The following NCAM2 variants were observed in gnomAD, a reference collection of about 807,000 sequenced individuals.
NCAM2 encodes the protein neural cell adhesion molecule 2.
NCAM2 carries 30 observed loss-of-function variants against 98.1 expected under a neutral mutation model. The observed-to-expected ratio is 0.31, with a 90% CI of 0.23 to 0.41. NCAM2 has a LOEUF of 0.41. Ranked by LOEUF, NCAM2 falls within the 10% of genes least tolerant of loss-of-function variation. NCAM2 has a pLI of 1.00. For missense variants in NCAM2, 867 were observed against 1,005.8 expected, an observed-to-expected ratio of 0.86 and a Z score of 1.87; for synonymous variants, 368 against 342.4, an observed-to-expected ratio of 1.07 and a Z score of -0.83.
chr21:21,424,551 A>G lies in NCAM2; in HGVS notation c.1480+5982A>G, dbSNP rs232385. 7.3e-3 allele frequency among the ~76,000 whole-genome samples: 1,119 copies of G among 152,254 alleles called. 15 individuals are homozygous for G. Among genetic ancestry groups the G allele is most frequent in the African/African-American group, 0.025 (1,039 of 41,546 alleles). ...GGGAGTAGAAACAGGTCCAGGGAAG[A>G]TGAAAGGGAAAGACTCAAAGAAACA... On this transcript the variant is annotated intron_variant, in intron 11 of 17. Transcript: ENST00000400546.
rs11412654 is a variant in NCAM2 at position 21,050,136 on chromosome 21, C to CAA, written c.55+51529_55+51530dup. Among the ~76,000 whole-genome samples the CAA allele has an allele frequency of 6.3e-3, 870 of 138,066 alleles. 9 individuals are homozygous for CAA. Among genetic ancestry groups the CAA allele is most frequent in the African/African-American group, 0.02 (766 of 38,546 alleles). The allele number at this position is 138,066 out of a possible 152,430, so 90.6% of individuals were successfully genotyped here. Reference sequence around the variant, plus strand: ...ATTTCACATTAAGCACTGTAAAGTGCAAAAAAAAAAAAGGTTTTTCTCTTT... The same window carrying CAA: ...ATTTCACATTAAGCACTGTAAAGTGCAAAAAAAAAAAAAAGGTTTTTCTCTTT... On this transcript the variant is annotated intron_variant, in intron 1 of 17. Transcript: ENST00000400546.
At chr21:21,228,683 A>G (rs992053678) in intron 1 of NCAM2, among the ~76,000 whole-genome samples, 1 of 151,546 alleles carries the variant, frequency 6.6e-6, no homozygotes, top group Non-Finnish European at 1.5e-5. Flanking sequence ...GATTGCATAT[A>G]TGTAGACTAA....
In NCAM2 at chr21:21,256,624, G is replaced by T. The variant is rs115670866; in HGVS notation, c.56-23954G>T. ...TAAAGCTCCACCTCTACAATCATAT[G>T]CCTTTTTTAAGGAGTGTCATGAATC... On this transcript the variant is annotated intron_variant, in intron 1 of 17. Coordinates refer to ENST00000400546, the MANE Select transcript of NCAM2 (RefSeq NM_004540.5). Among the ~76,000 whole-genome samples, 837 of 152,142 alleles carry T rather than the reference G, an allele frequency of 5.5e-3. 13 individuals carry two copies. Among genetic ancestry groups the T allele is most frequent in the African/African-American group, 0.019 (804 of 41,504 alleles).
intron 1 of NCAM2, among the ~76,000 whole-genome samples, chr21:21,093,581 G>A (rs2066057928): frequency 6.6e-6 from 1 of 151,940 alleles, no homozygotes; most frequent in East Asian, 1.9e-4. Context: ...GCATCACAGG[G>A]TAAGCCACCA....
chr21:21,257,261 G>A (rs1233262737), intron 1 of NCAM2, among the ~76,000 whole-genome samples: 2 of 152,144 alleles, frequency 1.3e-5, no homozygotes, highest in Non-Finnish European at 2.9e-5. Context: ...TCTGAACAAA[G>A]GCTGGTCACT....
chr21:21,248,776 CAAAAAAAAAAAAAAAAAAAAAAA>C (rs1171857115), intron 1 of NCAM2, among the ~76,000 whole-genome samples: 14 of 50,656 alleles, frequency 2.8e-4, no homozygotes, highest in Admixed American at 3.9e-4. Context: ...GACTCTGTCT[CAAAAAAAAAAAAAAAAAAAAAAA>C]AAAAAAAAAA....
chr21:21,282,562 A>T (rs2072965765), intron 2 of NCAM2, among the ~76,000 whole-genome samples: 1 of 151,670 alleles, frequency 6.6e-6, no homozygotes, highest in Admixed American at 6.6e-5. Context: ...GCTTGTATGT[A>T]TTTTTCTACT....
At chr21:21,456,833 T>A (rs1376902426) in intron 12 of NCAM2, among the ~76,000 whole-genome samples, 1 of 152,060 alleles carries the variant, frequency 6.6e-6, no homozygotes, top group African/African-American at 2.4e-5. Context: ...AACTTCTACA[T>A]CTATGTGAGG....
At chr21:21,052,150 A>ATTTTTT (rs5842877) in intron 1 of NCAM2, among the ~76,000 whole-genome samples, 2 of 74,790 alleles carry the variant, frequency 2.7e-5, no homozygotes, top group African/African-American at 1.2e-4. Context: ...CATGATGGCC[A>ATTTTTT]TTTTTTTTTT....
Position 21,228,516 on chromosome 21 carries a change from G to T in NCAM2, c.56-52062G>T, listed in dbSNP as rs1356564037. Among the ~76,000 whole-genome samples the T allele has an allele frequency of 4.0e-5, 6 of 151,242 alleles. No individual in the cohort carries two copies. In the Admixed American group the frequency reaches 4.0e-4, roughly 10 times the overall value. On this transcript the variant is annotated intron_variant, in intron 1 of 17. Transcript: ENST00000400546. The stretch of plus-strand genomic sequence containing the variant: ...TCACAATGAAATATTATATACTGGT[G>T]AAGAGGAATGAAGTACCTCTTCATG...
intron 1 of NCAM2, among the ~76,000 whole-genome samples, chr21:21,263,231 A>G (rs978439715): frequency 5.3e-5 from 8 of 152,234 alleles, no homozygotes; most frequent in Admixed American, 2.6e-4. Context: ...AGAGAATCAA[A>G]TCAAGAGCTC....
At chr21:21,418,452 T>A (rs763248674) in intron 10 of NCAM2, 21 bp from the exon 11 acceptor site, 1 of 1,543,710 alleles carries the variant, frequency 6.5e-7, no homozygotes, top group Non-Finnish European at 8.9e-7. Context: ...ATTGTAACAT[T>A]TGTTATTATA....
intron 1 of NCAM2, among the ~76,000 whole-genome samples, chr21:21,109,606 GT>G (rs1224596468): frequency 1.3e-5 from 2 of 152,152 alleles, no homozygotes; most frequent in Middle Eastern, 3.4e-3. Context: ...ATTTCCACCA[GT>G]TTTTTCTTTC....
chr21:21,034,123 C>G (rs9976821), intron 1 of NCAM2, among the ~76,000 whole-genome samples: 150,605 of 151,890 alleles, frequency 0.99, 74,679 homozygotes, highest in Middle Eastern at 1. Flanking sequence ...ATACATTCTT[C>G]AATCTCCTAG....
intron 11 of NCAM2, among the ~76,000 whole-genome samples, chr21:21,431,743 G>T (rs781034589): frequency 6.6e-6 from 1 of 151,894 alleles, no homozygotes; most frequent in African/African-American, 2.4e-5. Flanking sequence ...GTATTCTAAC[G>T]TTTTAACTAC....
chr21:21,023,495 G>A (rs1468788514), intron 1 of NCAM2, among the ~76,000 whole-genome samples: 2 of 151,426 alleles, frequency 1.3e-5, no homozygotes, highest in African/African-American at 4.9e-5. Context: ...CTGCACTCCA[G>A]TCTGGGTGAC....
chr21:21,298,125 T>C (rs2073559447), intron 5 of NCAM2, among the ~76,000 whole-genome samples: 1 of 151,768 alleles, frequency 6.6e-6, no homozygotes, highest in Admixed American at 6.6e-5. Context: ...TCTTGCAATT[T>C]CTTGAAGTCA....
At chr21:21,271,123 C>A (rs1309344245) in intron 1 of NCAM2, among the ~76,000 whole-genome samples, 1 of 152,060 alleles carries the variant, frequency 6.6e-6, no homozygotes, top group East Asian at 1.9e-4. Context: ...AACAAGTCTA[C>A]TGAGAATGAA....
intron 5 of NCAM2, among the ~76,000 whole-genome samples, chr21:21,319,014 T>C (rs1034624139): frequency 1.1e-4 from 16 of 152,100 alleles, no homozygotes; most frequent in African/African-American, 3.9e-4. Context: ...GAGACACTCC[T>C]GAGGCAGGAG....
Sources: gnomAD v4.1 joint callset for allele counts (sites outside exome capture counted in the v4.1 genomes callset) on GRCh38, gnomAD v4.1.1 for gene constraint, MANE v1.5 for transcripts, NCBI Gene and HGNC (gene_info 2026-07-23, HGNC 2026-07-21) for gene names.